The following TRPS1 variants were observed in gnomAD, a reference collection of about 807,000 sequenced individuals.
The protein encoded by TRPS1 is zinc finger transcription factor Trps1.
TRPS1 carries 6 observed loss-of-function variants against 101.2 expected under a neutral mutation model. The ratio of observed to expected loss-of-function variants is 0.06; its 90% CI spans 0.03 to 0.12. The LOEUF is 0.12. TRPS1 is among the 10% of genes least tolerant of loss of function. The pLI is 1.00. For missense variants in TRPS1, 1,363 were observed against 1,567.0 expected, an observed-to-expected ratio of 0.87 and a Z score of 2.20; for synonymous variants, 578 against 589.8, an observed-to-expected ratio of 0.98 and a Z score of 0.29.
chr8:115,525,358 A>T (rs990643624), intron 5 of TRPS1, among the ~76,000 whole-genome samples: 6 of 152,086 alleles, frequency 3.9e-5, no homozygotes, highest in African/African-American at 1.4e-4. Context: ...TAGTACAGAG[A>T]AGCCAGGAAA....
At chr8:115,470,333 A>G (rs1376587781) in intron 5 of TRPS1, among the ~76,000 whole-genome samples, 3 of 152,220 alleles carry the variant, frequency 2.0e-5, no homozygotes. Context: ...TCAGAATTTG[A>G]AAATATGAAA....
At chr8:115,449,674 C>T (rs749318312) in intron 5 of TRPS1, among the ~76,000 whole-genome samples, 2 of 152,150 alleles carry the variant, frequency 1.3e-5, no homozygotes, top group Non-Finnish European at 2.9e-5. Context: ...GCAACATATT[C>T]CTTTTGTAAC....
At chr8:115,506,009 A>G (rs914723795) in intron 5 of TRPS1, among the ~76,000 whole-genome samples, 2 of 152,140 alleles carry the variant, frequency 1.3e-5, no homozygotes, top group Non-Finnish European at 2.9e-5. Context: ...TGACTTAAAA[A>G]TGTATATTAG....
At chr8:115,635,884 G>T (rs1294864328) in intron 1 of TRPS1, among the ~76,000 whole-genome samples, 2 of 152,086 alleles carry the variant, frequency 1.3e-5, no homozygotes, top group African/African-American at 2.4e-5. Context: ...TTGTTTTCCT[G>T]AAAACATTAG....
At chr8:115,422,238 G>C (rs1352203164) in intron 5 of TRPS1, among the ~76,000 whole-genome samples, 1 of 152,102 alleles carries the variant, frequency 6.6e-6, no homozygotes, top group Non-Finnish European at 1.5e-5. Context: ...AAAAAGTAGT[G>C]TTTGTTTTCT....
rs981598401 is a variant in TRPS1, at chr8:115,538,406, C to CT, written c.2700+48594dup. Among the ~76,000 whole-genome samples the CT allele has an allele frequency of 1.6e-3, 248 of 152,260 alleles. 3 individuals are homozygous for CT. Among genetic ancestry groups the CT allele is most frequent in the Middle Eastern group, 6.8e-3 (2 of 294 alleles). ...ATGTGAAAATGGCACATTTTACCGA[C>CT]TATCTTGCTAGCAAATTTGGAAAAT... is the stretch of plus-strand genomic sequence containing the variant. On this transcript the variant is annotated intron_variant, in intron 5 of 6. Transcript: ENST00000395715.
Position 115,411,360 on chromosome 8 carries a change from GAAATTGCTTAATGAGTAGTTTTGCCCAA to G in TRPS1, c.*2635_*2662del, listed in dbSNP as rs888073741. On this transcript the variant is annotated 3_prime_UTR_variant, in exon 7 of 7. Coordinates refer to ENST00000395715, the MANE Select transcript of TRPS1 (RefSeq NM_014112.5). ...ACCTATTTGTGTCCGACACACTAGAGAAATTGCTTAATGAGTAGTTTTGCCCAAAAAGTAATACTTGTCATATTGCCCA... is the reference window on the plus strand; with the variant it reads ...ACCTATTTGTGTCCGACACACTAGAGAAAGTAATACTTGTCATATTGCCCA... 3 of 152,370 alleles carry G rather than the reference GAAATTGCTTAATGAGTAGTTTTGCCCAA, an allele frequency of 2.0e-5. No homozygotes were observed. The highest frequency in any genetic ancestry group is 1.3e-4 in the Admixed American group (2 of 15,248). The allele number at this position is 152,370 out of a possible 1,614,324, so 9.4% of individuals were successfully genotyped here.
chr8:115,468,293 T>G (rs1484130780), intron 5 of TRPS1, among the ~76,000 whole-genome samples: 1 of 152,224 alleles, frequency 6.6e-6, no homozygotes, highest in African/African-American at 2.4e-5. Flanking sequence ...ATGATTTATT[T>G]ACATAAACGG....
chr8:115,524,967 G>A (rs1586363637), intron 5 of TRPS1, among the ~76,000 whole-genome samples: 1 of 152,198 alleles, frequency 6.6e-6, no homozygotes, highest in Admixed American at 6.5e-5. Flanking sequence ...GCTAATGAAG[G>A]AGTCATTAGT....
Position 115,548,267 on chromosome 8 carries a change from A to G in TRPS1, c.2700+38734T>C, listed in dbSNP as rs573330868. Among the ~76,000 whole-genome samples, 4 of 152,042 alleles carry G rather than the reference A, an allele frequency of 2.6e-5. No homozygotes were observed. In the South Asian group the frequency reaches 8.3e-4, roughly 32 times the overall value. On this transcript the variant is annotated intron_variant, in intron 5 of 6. Transcript: ENST00000395715. ...TATAAATAATCCTAAACCTAAAGAA[A>G]TCAAGTTTTAATTGTGGGCATTTTA...
At chr8:115,665,621 A>T (rs10216519) in intron 1 of TRPS1, among the ~76,000 whole-genome samples, 5,135 of 152,212 alleles carry the variant, frequency 0.034, 298 homozygotes, top group African/African-American at 0.12. Context: ...CCGATCCTAA[A>T]CTGGTTTTCA....
At chr8:115,546,581 GACAC>G (rs71287285) in intron 5 of TRPS1, among the ~76,000 whole-genome samples, 58 of 147,900 alleles carry the variant, frequency 3.9e-4, no homozygotes, top group Middle Eastern at 6.9e-3. Context: ...TGTAAAATGT[GACAC>G]ACACACACAC....
intron 1 of TRPS1, among the ~76,000 whole-genome samples, chr8:115,636,518 A>C (rs1818770486): frequency 6.6e-6 from 1 of 152,252 alleles, no homozygotes; most frequent in Non-Finnish European, 1.5e-5. Context: ...CCTTTGTTAA[A>C]GAAACAAGGC....
chr8:115,619,618 T>C lies in TRPS1; in HGVS notation c.480A>G (p.Ser160=). ...QDMACTPSGD[S]LETKEDQKMS... is the part of the protein sequence containing the mutation. Reference sequence around the variant, plus strand: ...TCTTCTGATCTTCCTTTGTCTCCAGTGAGTCCCCTGAGGGGGTGCAGGCCA... The same window carrying C: ...TCTTCTGATCTTCCTTTGTCTCCAGCGAGTCCCCTGAGGGGGTGCAGGCCA... The change falls in exon 3 of 7, where the codon TCA becomes TCG. Residue 160 remains serine, a synonymous_variant. Transcript: ENST00000395715. 6.2e-7 allele frequency: 1 copy of C among 1,614,222 alleles called. No homozygotes were observed. Among genetic ancestry groups the C allele is most frequent in the Non-Finnish European group, 8.5e-7 (1 of 1,180,036 alleles).
intron 5 of TRPS1, among the ~76,000 whole-genome samples, chr8:115,535,133 ATATAGCATATATATAGCATATG>A (rs1816254475): frequency 6.9e-6 from 1 of 144,292 alleles, no homozygotes; most frequent in Non-Finnish European, 1.5e-5. Flanking sequence ...TATAGCATAT[ATATAGCATATATATAGCATATG>A]TATAGCATAT....
At chr8:115,517,487 G>A (rs1471810400) in intron 5 of TRPS1, among the ~76,000 whole-genome samples, 17 of 151,418 alleles carry the variant, frequency 1.1e-4, no homozygotes, top group Non-Finnish European at 1.5e-5. Flanking sequence ...GATGGGAGAC[G>A]ATGCCAAAGG....
chr8:115,506,495 T>G (rs765659651), intron 5 of TRPS1, among the ~76,000 whole-genome samples: 2 of 152,124 alleles, frequency 1.3e-5, no homozygotes, highest in African/African-American at 4.8e-5. Context: ...GTTATGAAAC[T>G]ATCTTGTTAT....
Position 115,506,362 on chromosome 8 carries a change from T to G in TRPS1, c.2700+80639A>C, listed in dbSNP as rs574607307. Among the ~76,000 whole-genome samples, 5 of 152,238 alleles carry G rather than the reference T, an allele frequency of 3.3e-5. No individual in the cohort carries two copies. The East Asian group carries it at 9.7e-4, about 29-fold the overall frequency. ...TTTATTGTCAAATATAATTGAGAATTGAAATTCACTTCTAGAACTGATTTT... is the reference window on the plus strand; with the variant it reads ...TTTATTGTCAAATATAATTGAGAATGGAAATTCACTTCTAGAACTGATTTT... On this transcript the variant is annotated intron_variant, in intron 5 of 6. Coordinates refer to ENST00000395715, the MANE Select transcript of TRPS1 (RefSeq NM_014112.5).
At position 115,411,780 on chromosome 8, in the gene TRPS1, T is replaced by C. The variant is rs1227585288; in HGVS notation, c.*2243A>G. The stretch of plus-strand genomic sequence containing the variant: ...AGGACTTAGTCCTGATTTCTGTCTC[T>C]TGCTTTCTCTTTTCTCTTTTTTTAA... On this transcript the variant is annotated 3_prime_UTR_variant, in exon 7 of 7. Transcript: ENST00000395715. 6.6e-6 allele frequency: 1 copy of C among 152,232 alleles called. No homozygotes were observed. The highest frequency in any genetic ancestry group is 1.5e-5 in the Non-Finnish European group (1 of 67,984). The allele number at this position is 152,232 out of a possible 1,614,324, so 9.4% of individuals were successfully genotyped here. A position where few individuals can be genotyped will look rare whatever the true frequency, so the allele number is the denominator to read the frequency against.
Sources: allele counts gnomAD v4.1 joint callset (sites outside exome capture counted in the v4.1 genomes callset), GRCh38; gene constraint gnomAD v4.1.1; transcripts MANE v1.5; gene names NCBI Gene and HGNC (gene_info 2026-07-23, HGNC 2026-07-21).